Variants in TTC39A observed in about 807,000 individuals in gnomAD.
TTC39A encodes the protein tetratricopeptide repeat protein 39A.
Under a neutral mutation model 82.3 loss-of-function variants are expected in TTC39A, and 46 were observed. That is an observed-to-expected ratio of 0.56 (90% CI 0.44 to 0.71). The LOEUF (loss-of-function observed/expected upper bound fraction) is 0.71. TTC39A is among the 30% of genes least tolerant of loss of function. The pLI, the probability that TTC39A is intolerant of heterozygous loss-of-function variation, is 0.00. For missense variants in TTC39A, 543 were observed against 712.9 expected, an observed-to-expected ratio of 0.76 and a Z score of 2.71; for synonymous variants, 254 against 275.2, an observed-to-expected ratio of 0.92 and a Z score of 0.76.
At chr1:51,300,646 T>C (rs1400614935) in intron 12 of TTC39A, 3 of 152,260 alleles carry the variant, frequency 2.0e-5, no homozygotes, top group Non-Finnish European at 4.4e-5. Flanking sequence ...ATCATTACTA[T>C]GATGGTACAA....
chr1:51,290,635 G>A lies in TTC39A; in HGVS notation c.1267-10C>T, dbSNP rs1383931761. 3 of 1,608,346 alleles carry A rather than the reference G, an allele frequency of 1.9e-6. No homozygotes were observed. Among genetic ancestry groups the A allele is most frequent in the East Asian group, 4.5e-5 (2 of 44,718 alleles). On this transcript the variant is annotated splice_polypyrimidine_tract_variant and intron_variant, in intron 14 of 17. Transcript: ENST00000680483. ...AGATGTACATCATTTCCTGAAGGCA[G>A]GGGGGCAAGTCAGTCCTAGGTTTCT...
chr1:51,325,144 C>T (rs1032285776), intron 1 of TTC39A, among the ~76,000 whole-genome samples: 1 of 151,810 alleles, frequency 6.6e-6, no homozygotes, highest in Non-Finnish European at 1.5e-5. Context: ...ATCCCAACTA[C>T]TACGGAGGAT....
At chr1:51,307,946 T>C (rs1037859194) in intron 6 of TTC39A, among the ~76,000 whole-genome samples, 2 of 151,908 alleles carry the variant, frequency 1.3e-5, no homozygotes, top group African/African-American at 4.9e-5. Context: ...AACTTTATTC[T>C]CTGTCTTTTG....
intron 6 of TTC39A, among the ~76,000 whole-genome samples, chr1:51,308,685 T>C (rs1273404995): frequency 6.6e-6 from 1 of 152,246 alleles, no homozygotes; most frequent in Admixed American, 6.5e-5. Context: ...GGAATCTTCA[T>C]TCATAAACAC....
rs948235094 is a variant in TTC39A at position 51,294,853 on chromosome 1, T to A, written c.1146-342A>T. Among the ~76,000 whole-genome samples, 2 of 152,076 alleles carry A rather than the reference T, an allele frequency of 1.3e-5. No homozygotes were observed. The highest frequency in any genetic ancestry group is 2.4e-5 in the African/African-American group (1 of 41,432). On this transcript the variant is annotated intron_variant, in intron 13 of 17. Transcript: ENST00000680483. The surrounding 1 kb of genome is among the most constrained non-coding windows in gnomAD (Gnocchi z 4.3). Reference sequence around the variant, plus strand: ...ATTTCTGGGGAGGATCCAAGAGAAGTTTAACCCCAATTTCACAGGAGAGAC... The same window carrying A: ...ATTTCTGGGGAGGATCCAAGAGAAGATTAACCCCAATTTCACAGGAGAGAC...
chr1:51,289,492 A>G (rs1022232849), intron 16 of TTC39A, among the ~76,000 whole-genome samples: 1 of 152,188 alleles, frequency 6.6e-6, no homozygotes, highest in African/African-American at 2.4e-5. Flanking sequence ...GCACTGGTGC[A>G]TGCTGTACTT....
intron 16 of TTC39A, among the ~76,000 whole-genome samples, chr1:51,289,741 A>G (rs1365996034): frequency 6.6e-6 from 1 of 152,172 alleles, no homozygotes; most frequent in African/African-American, 2.4e-5. Flanking sequence ...ACCGAATTAC[A>G]AACTCCAGGG....
chr1:51,322,636 C>A (rs1441852918), intron 1 of TTC39A, among the ~76,000 whole-genome samples: 1 of 152,160 alleles, frequency 6.6e-6, no homozygotes, highest in Non-Finnish European at 1.5e-5. Context: ...GCTAGGAAAG[C>A]AAACCCCTGA....
upstream of TTC39A, among the ~76,000 whole-genome samples, chr1:51,333,299 A>C (rs1376701430): frequency 6.6e-6 from 1 of 151,638 alleles, no homozygotes; most frequent in Non-Finnish European, 1.5e-5. Context: ...TTTCATGTTT[A>C]GGCTTGGACC....
Position 51,301,676 on chromosome 1 carries a change from G to A in TTC39A, c.949C>T (p.His317Tyr). 1 of 1,613,600 alleles carries A rather than the reference G, an allele frequency of 6.2e-7. No individual in the cohort carries two copies. The highest frequency in any genetic ancestry group is 8.5e-7 in the Non-Finnish European group (1 of 1,179,572). Residue 317 changes from histidine (H) to tyrosine (Y), a missense_variant, in exon 12 of 18, where the codon CAC (histidine) becomes TAC (tyrosine). Coordinates refer to ENST00000680483, the MANE Select transcript of TTC39A (RefSeq NM_001297663.2). ...EAQQHWKQFH[H>Y]MCYWELMWCF... ...CACATCAGCTCCCAGTAGCACATGT[G>A]GTGGAACTGCTTCCAGTGCTGCTGG...
chr1:51,312,404 G>A (rs1645118852), intron 3 of TTC39A, among the ~76,000 whole-genome samples: 1 of 152,188 alleles, frequency 6.6e-6, no homozygotes, highest in Non-Finnish European at 1.5e-5. Flanking sequence ...GGTCAAATGG[G>A]GACAGTTACC....
intron 2 of TTC39A, among the ~76,000 whole-genome samples, chr1:51,313,877 C>T (rs1645185208): frequency 6.6e-6 from 1 of 152,240 alleles, no homozygotes; most frequent in African/African-American, 2.4e-5. Flanking sequence ...AAATGCTCTT[C>T]CTCTACATCT....
intron 2 of TTC39A, 81 bp from the exon 3 acceptor site, chr1:51,313,024 T>C: frequency 6.5e-7 from 1 of 1,545,916 alleles, no homozygotes; most frequent in Non-Finnish European, 8.8e-7. Flanking sequence ...ATCTCCACCC[T>C]CCTCCATTCT....
upstream of TTC39A, among the ~76,000 whole-genome samples, chr1:51,333,148 G>T (rs898714272): frequency 3.4e-5 from 5 of 148,346 alleles, no homozygotes; most frequent in East Asian, 2.1e-4. Context: ...GAAGGCGAAG[G>T]TTGCAGTGAG....
chr1:51,327,384 G>T lies in TTC39A; in HGVS notation c.41+3053C>A, dbSNP rs146452319. ...ATCTTTCTAAATTGCAAAAATGATT[G>T]TGACTCTCCTTCCAAAGAGTCCCCC... On this transcript the variant is annotated intron_variant, in intron 1 of 17. Transcript: ENST00000680483. Among the ~76,000 whole-genome samples the T allele has an allele frequency of 4.5e-4, 68 of 152,294 alleles. 1 individual carries two copies. The East Asian group carries it at 0.013, about 29-fold the overall frequency.
At chr1:51,335,000 C>T (rs1645957318), upstream of TTC39A, 1 of 152,338 alleles carries the variant, frequency 6.6e-6, no homozygotes, top group Admixed American at 6.5e-5. Flanking sequence ...AGTGACCTTA[C>T]TTGGATCACC....
chr1:51,334,664 AAAAG>A (rs1249839704), upstream of TTC39A: 2 of 152,468 alleles, frequency 1.3e-5, no homozygotes, highest in African/African-American at 4.8e-5. Flanking sequence ...CAAAAAAAAA[AAAAG>A]AAAGAAAATA....
At position 51,311,335 on chromosome 1, in the gene TTC39A, ACCAAAGCCCCGTGGCCT is replaced by A. The variant is rs762867565; in HGVS notation, c.356-31_356-15del. The A allele has an allele frequency of 1.7e-5, 26 of 1,565,538 alleles. No homozygotes were observed. The highest frequency in any genetic ancestry group is 2.1e-5 in the Non-Finnish European group (24 of 1,155,534). On this transcript the variant is annotated splice_polypyrimidine_tract_variant and intron_variant, in intron 4 of 17. Transcript: ENST00000680483. ...CGTGGATTTCCTCTGTGGGGAGAAA[ACCAAAGCCCCGTGGCCT>A]CCTGGGACTCTAGTCAGGAGGCCTG...
intron 1 of TTC39A, among the ~76,000 whole-genome samples, chr1:51,327,380 G>A (rs914725424): frequency 1.3e-5 from 2 of 152,206 alleles, no homozygotes; most frequent in African/African-American, 4.8e-5. Flanking sequence ...TTGCAAAAAT[G>A]ATTGTGACTC....
Sources: allele counts gnomAD v4.1 joint callset (sites outside exome capture counted in the v4.1 genomes callset), GRCh38; gene constraint gnomAD v4.1.1; non-coding constraint Gnocchi (gnomAD v3.1); transcripts MANE v1.5; gene names NCBI Gene and HGNC (gene_info 2026-07-23, HGNC 2026-07-21).